Variants in PARD3B observed in about 807,000 individuals in gnomAD.
PARD3B encodes par-3 family cell polarity regulator beta, also known as partitioning defective 3 homolog B.
In PARD3B, 103 loss-of-function variants were observed where a neutral mutation model predicts 130.2. That is an observed-to-expected ratio of 0.79 (90% CI 0.67 to 0.93). The LOEUF is 0.93. Ranked by LOEUF, PARD3B falls within the 40% of genes least tolerant of loss-of-function variation. PARD3B has a pLI of 0.00. For synonymous variants in PARD3B, 583 were observed against 553.2 expected, an observed-to-expected ratio of 1.05 and a Z score of -0.76; for missense variants, 1,609 against 1,499.2, an observed-to-expected ratio of 1.07 and a Z score of -1.21.
chr2:205,195,232 A>G (rs1247135093), intron 15 of PARD3B, among the ~76,000 whole-genome samples: 1 of 152,212 alleles, frequency 6.6e-6, no homozygotes, highest in Non-Finnish European at 1.5e-5. Flanking sequence ...AATGACAACG[A>G]TAATAGTAAG....
intron 21 of PARD3B, among the ~76,000 whole-genome samples, chr2:205,511,244 T>C (rs960683963): frequency 9.2e-5 from 14 of 152,226 alleles, no homozygotes; most frequent in Admixed American, 8.5e-4. Flanking sequence ...TCATTCTTTT[T>C]ATGCTGTAAT....
At chr2:204,718,008 T>C (rs1000511669) in intron 2 of PARD3B, among the ~76,000 whole-genome samples, 1 of 152,188 alleles carries the variant, frequency 6.6e-6, no homozygotes, top group African/African-American at 2.4e-5. Context: ...GTTCCAATTA[T>C]GGCTCTTTTG....
chr2:205,071,227 A>G (rs1263965284), intron 4 of PARD3B, among the ~76,000 whole-genome samples: 1 of 152,174 alleles, frequency 6.6e-6, no homozygotes, highest in African/African-American at 2.4e-5. Flanking sequence ...GGTTCTTGAC[A>G]TGATTGTATT....
chr2:205,120,302 G>A (rs2030529339), intron 7 of PARD3B, among the ~76,000 whole-genome samples: 1 of 152,116 alleles, frequency 6.6e-6, no homozygotes, highest in African/African-American at 2.4e-5. Flanking sequence ...TTAGTATAGA[G>A]TTAGTATGGA....
At chr2:204,578,373 A>C (rs1294342282) in intron 1 of PARD3B, among the ~76,000 whole-genome samples, 1 of 152,080 alleles carries the variant, frequency 6.6e-6, no homozygotes, top group African/African-American at 2.4e-5. Context: ...AGGACCTTTC[A>C]TCTTCTGGAA....
intron 2 of PARD3B, among the ~76,000 whole-genome samples, chr2:204,773,276 A>C (rs976294160): frequency 6.6e-6 from 1 of 151,958 alleles, no homozygotes; most frequent in Non-Finnish European, 1.5e-5. Context: ...AAACTGGATT[A>C]GTCATCTGCA....
chr2:205,576,456 T>C (rs1044189666), intron 22 of PARD3B, among the ~76,000 whole-genome samples: 2 of 152,190 alleles, frequency 1.3e-5, no homozygotes, highest in Non-Finnish European at 2.9e-5. Flanking sequence ...GTGAGTCATT[T>C]TGAGTTAATT....
intron 22 of PARD3B, among the ~76,000 whole-genome samples, chr2:205,605,186 C>A (rs971000169): frequency 6.6e-6 from 1 of 152,176 alleles, no homozygotes; most frequent in Non-Finnish European, 1.5e-5. Flanking sequence ...TGTTATTACC[C>A]ACCTTCTGAA....
intron 1 of PARD3B, among the ~76,000 whole-genome samples, chr2:204,615,211 A>G (rs905551406): frequency 9.2e-5 from 14 of 152,144 alleles, no homozygotes; most frequent in African/African-American, 3.4e-4. Context: ...TTTTCAGATA[A>G]TTCTGGATGT....
intron 2 of PARD3B, among the ~76,000 whole-genome samples, chr2:204,756,924 C>G (rs570869614): frequency 6.6e-6 from 1 of 152,208 alleles, no homozygotes; most frequent in African/African-American, 2.4e-5. Flanking sequence ...TCTTCCCTCC[C>G]CTCCTTTGGA....
intron 19 of PARD3B, among the ~76,000 whole-genome samples, chr2:205,412,904 T>C (rs540304352): frequency 6.6e-6 from 1 of 152,336 alleles, no homozygotes; most frequent in East Asian, 1.9e-4. Context: ...AATTTTCAGT[T>C]TCTTTACCTA....
chr2:204,835,546 C>T (rs1381825978), intron 2 of PARD3B, among the ~76,000 whole-genome samples: 2 of 152,102 alleles, frequency 1.3e-5, no homozygotes, highest in African/African-American at 2.4e-5. Context: ...CTTCCCCAAA[C>T]TTGTATTGGG....
At chr2:204,941,761 A>T (rs534115046) in intron 2 of PARD3B, among the ~76,000 whole-genome samples, 1 of 152,188 alleles carries the variant, frequency 6.6e-6, no homozygotes, top group Non-Finnish European at 1.5e-5. Context: ...AGTGTTGAAG[A>T]AATAATTTGT....
chr2:204,971,501 T>A (rs1365386599), intron 3 of PARD3B, among the ~76,000 whole-genome samples: 4 of 152,238 alleles, frequency 2.6e-5, no homozygotes, highest in African/African-American at 9.6e-5. Context: ...AATTCATAAG[T>A]TACAATTTGG....
intron 3 of PARD3B, among the ~76,000 whole-genome samples, chr2:205,033,246 T>C (rs1334967988): frequency 2.0e-5 from 3 of 152,180 alleles, no homozygotes; most frequent in Non-Finnish European, 2.9e-5. Context: ...TTCATGGTAT[T>C]TATAAGGGAA....
chr2:205,577,077 T>C (rs1333208785), intron 22 of PARD3B, among the ~76,000 whole-genome samples: 1 of 152,200 alleles, frequency 6.6e-6, no homozygotes, highest in Non-Finnish European at 1.5e-5. Flanking sequence ...GTGTTTCTAA[T>C]TTTAATTGCA....
At chr2:204,679,975 A>G (rs903121945) in intron 1 of PARD3B, among the ~76,000 whole-genome samples, 9 of 152,168 alleles carry the variant, frequency 5.9e-5, no homozygotes, top group African/African-American at 1.9e-4. Context: ...CTACATATGT[A>G]GATTTTTACC....
At chr2:204,733,384 ACAGTTTTTATGAGT>A (rs897188537) in intron 2 of PARD3B, among the ~76,000 whole-genome samples, 7 of 152,134 alleles carry the variant, frequency 4.6e-5, no homozygotes, top group African/African-American at 1.7e-4. Flanking sequence ...AATGAGAGAT[ACAGTTTTTATGAGT>A]CAGTTTTTAT....
At chr2:205,510,717 C>A (rs746890980) in intron 21 of PARD3B, among the ~76,000 whole-genome samples, 2 of 152,116 alleles carry the variant, frequency 1.3e-5, no homozygotes, top group African/African-American at 2.4e-5. Flanking sequence ...CAAAGAAATA[C>A]CAGGGTCCAG....
Sources: allele counts gnomAD v4.1 joint callset (sites outside exome capture counted in the v4.1 genomes callset), GRCh38; gene constraint gnomAD v4.1.1; transcripts MANE v1.5; gene names NCBI Gene and HGNC (gene_info 2026-07-23, HGNC 2026-07-21).